The following CSE1L variants were observed in gnomAD, a reference collection of about 807,000 sequenced individuals.
CSE1L encodes the protein chromosome segregation 1 like, also known as exportin-2.
A neutral mutation model predicts 120.4 loss-of-function variants in CSE1L; 24 were observed. The observed-to-expected ratio is 0.20, with a 90% confidence interval of 0.14 to 0.28. The LOEUF (loss-of-function observed/expected upper bound fraction) is 0.28, where lower values mean the gene tolerates loss of function less well. CSE1L is among the 10% of genes least tolerant of loss of function. CSE1L has a pLI of 1.00. For missense variants in CSE1L, 830 were observed against 1,145.2 expected (o/e 0.72, Z 3.97); for synonymous variants, 402 against 398.3 (o/e 1.01, Z -0.11).
chr20:49,071,324 T>A (rs2091929882), intron 8 of CSE1L, among the ~76,000 whole-genome samples: 1 of 152,196 alleles, frequency 6.6e-6, no homozygotes. Flanking sequence ...AAAACACTCC[T>A]TCAGAAAACA....
chr20:49,075,217 C>T (rs890229918), intron 11 of CSE1L, 101 bp from the exon 12 acceptor site: 10 of 959,314 alleles, frequency 1.0e-5, no homozygotes, highest in African/African-American at 1.0e-4. Flanking sequence ...GTTTTACAAT[C>T]GTAGCCAAAT....
Position 49,058,459 on chromosome 20 carries a change from T to A in CSE1L, c.-5T>A, listed in dbSNP as rs1216094288. 1 of 1,608,304 alleles carries A rather than the reference T, an allele frequency of 6.2e-7. No homozygotes were observed. Among genetic ancestry groups the A allele is most frequent in the South Asian group, 1.1e-5 (1 of 90,676 alleles). On this transcript the variant is annotated 5_prime_UTR_variant, in exon 2 of 25. Transcript: ENST00000262982. The stretch of plus-strand genomic sequence containing the variant: ...ACCTTATTTTATATTTTAGATCCTA[T>A]AGCAATGGAACTCAGCGATGCAAAT...
In CSE1L at chr20:49,072,706, G is replaced by A. The variant is rs1287828719; in HGVS notation, c.1066+9G>A. On this transcript the variant is annotated intron_variant, in intron 10 of 24. Transcript: ENST00000262982. Reference sequence around the variant, plus strand: ...TAACATGGAATTTAGAGGTAATTATGGCAAAAGTATATTAGTATAAATCTA... The same window carrying A: ...TAACATGGAATTTAGAGGTAATTATAGCAAAAGTATATTAGTATAAATCTA... The A allele has an allele frequency of 6.2e-6, 10 of 1,601,426 alleles. No individual in the cohort carries two copies. The highest frequency in any genetic ancestry group is 7.7e-6 in the Non-Finnish European group (9 of 1,175,978).
intron 16 of CSE1L, 24 bp from the exon 17 acceptor site, chr20:49,087,985 T>G: frequency 6.7e-7 from 1 of 1,484,490 alleles, no homozygotes; most frequent in South Asian, 1.2e-5. Context: ...CTCTATTTGT[T>G]TTTGCTGTTT....
intron 15 of CSE1L, among the ~76,000 whole-genome samples, chr20:49,084,527 A>G (rs1421988815): frequency 6.6e-6 from 1 of 152,238 alleles, no homozygotes; most frequent in Non-Finnish European, 1.5e-5. Flanking sequence ...ATGAGATAAA[A>G]GTTAAAGCAG....
At chr20:49,049,314 G>T (rs2091746941) in intron 1 of CSE1L, among the ~76,000 whole-genome samples, 1 of 151,862 alleles carries the variant, frequency 6.6e-6, no homozygotes, top group Middle Eastern at 3.4e-3. Flanking sequence ...CTCCCGAGTA[G>T]CTAGGACTAC....
Position 49,089,268 on chromosome 20 carries a change from A to G in CSE1L, c.1843A>G (p.Asn615Asp). 1 of 1,588,370 alleles carries G rather than the reference A, an allele frequency of 6.3e-7. No individual in the cohort carries two copies. The highest frequency in any genetic ancestry group is 8.5e-7 in the Non-Finnish European group (1 of 1,173,268). The change falls in exon 18 of 25, where the codon AAT becomes GAT. Residue 615 changes from asparagine (N) to aspartate (D), a missense_variant. Physicochemically the swap from Asn to Asp is conservative, Grantham distance 23. Around this residue, in one of 4 missense-constraint regions of CSE1L, gnomAD observed 168 missense variants for 267.9 expected, o/e 0.63. Transcript: ENST00000262982. ...VSKNPSKPHF[N>D]HYMFEAICLS... ...TCAGAACCCAAGCAAACCTCACTTT[A>G]ATCACTACATGTTTGAAGCAATATG...
chr20:49,068,565 C>T (rs371551547), intron 6 of CSE1L, 150 bp from the exon 7 acceptor site: 12 of 543,906 alleles, frequency 2.2e-5, no homozygotes, highest in Middle Eastern at 3.1e-4. Context: ...TGCCACTGCG[C>T]TCCAGCCTGG....
intron 16 of CSE1L, 28 bp from the exon 17 acceptor site, chr20:49,087,977 CTATT>C (rs768279931): frequency 7.1e-7 from 1 of 1,407,944 alleles, no homozygotes; most frequent in Admixed American, 2.0e-5. Context: ...TAACTAAACT[CTATT>C]TGTTTTTGCT....
At chr20:49,078,358 T>C (rs2091984994) in intron 13 of CSE1L, among the ~76,000 whole-genome samples, 1 of 152,238 alleles carries the variant, frequency 6.6e-6, no homozygotes, top group South Asian at 2.1e-4. Flanking sequence ...TATGTGTTCC[T>C]TAGTCATGAA....
chr20:49,077,151 TTC>T, intron 13 of CSE1L, 87 bp downstream of exon 13: 6 of 674,094 alleles, frequency 8.9e-6, no homozygotes, highest in East Asian at 3.0e-5. Context: ...TTCCCTTTTG[TTC>T]TTTTTTTTTT....
chr20:49,070,247 A>C lies in CSE1L; in HGVS notation c.718A>C (p.Asn240His). ...FFEDNMETWM[N>H]NFHTLLTLDN... The stretch of plus-strand genomic sequence containing the variant: ...TGAAGATAATATGGAAACTTGGATG[A>C]ATAATTTTCATACTCTCTTAACATT... The change falls in exon 8 of 25, where the codon AAT becomes CAT. Residue 240 changes from asparagine (N) to histidine (H), a missense_variant. Around this residue, in one of 4 missense-constraint regions of CSE1L, gnomAD observed 543 missense variants for 640.2 expected, o/e 0.85. Transcript: ENST00000262982. 2 of 1,474,484 alleles carry C rather than the reference A, an allele frequency of 1.4e-6. No homozygotes were observed. The highest frequency in any genetic ancestry group is 3.8e-5 in the Admixed American group (2 of 52,734). 91.3% of individuals were successfully genotyped at this position (1,474,484 alleles called of 1,614,324 possible). A position where few individuals can be genotyped will look rare whatever the true frequency, so the allele number is the denominator to read the frequency against.
rs540290563 is a variant in CSE1L at position 49,088,750 on chromosome 20, G to T, written c.1822-497G>T. Among the ~76,000 whole-genome samples, 5 of 152,210 alleles carry T rather than the reference G, an allele frequency of 3.3e-5. No individual in the cohort carries two copies. The East Asian group carries it at 9.6e-4, about 29-fold the overall frequency. ...TACTTAGGGCCTTGAGGGATGGAGC[G>T]GGGAGGGAACCCAAGTCTCCGCCTC... is the stretch of plus-strand genomic sequence containing the variant. On this transcript the variant is annotated intron_variant, in intron 17 of 24. Coordinates refer to ENST00000262982, the MANE Select transcript of CSE1L (RefSeq NM_001316.4).
intron 10 of CSE1L, 64 bp downstream of exon 10, chr20:49,072,761 T>G (rs753194256): frequency 7.1e-7 from 1 of 1,402,454 alleles, no homozygotes; most frequent in South Asian, 1.5e-5. Flanking sequence ...TTGTAACATA[T>G]TCAGTCTAAT....
chr20:49,065,313 ATTTTTT>A (rs376073464), intron 3 of CSE1L, among the ~76,000 whole-genome samples: 5 of 52,118 alleles, frequency 9.6e-5, no homozygotes, highest in Non-Finnish European at 1.8e-4. Flanking sequence ...TGAAAAAAAA[ATTTTTT>A]TTTTTTTTTT....
chr20:49,048,008 C>T (rs1427623899), intron 1 of CSE1L, among the ~76,000 whole-genome samples: 2 of 152,172 alleles, frequency 1.3e-5, no homozygotes, highest in Non-Finnish European at 2.9e-5. Flanking sequence ...GTGCTTGCCA[C>T]ATGGTAGATG....
chr20:49,054,424 A>G (rs2091790985), intron 1 of CSE1L, among the ~76,000 whole-genome samples: 1 of 152,110 alleles, frequency 6.6e-6, no homozygotes, highest in Non-Finnish European at 1.5e-5. Flanking sequence ...TTGTGTTGTG[A>G]GTGCTTTCAC....
intron 16 of CSE1L, among the ~76,000 whole-genome samples, chr20:49,087,354 T>TC (rs1555825689): frequency 2.1e-4 from 30 of 144,490 alleles, no homozygotes; most frequent in East Asian, 5.9e-4. Context: ...TCTTTTTCTT[T>TC]TTTTTTTTTT....
Position 49,085,402 on chromosome 20 carries a change from GGT to G in CSE1L, c.1723+20_1723+21del, listed in dbSNP as rs779397538. The G allele has an allele frequency of 6.3e-7, 1 of 1,586,600 alleles. No homozygotes were observed. The highest frequency in any genetic ancestry group is 8.7e-7 in the Non-Finnish European group (1 of 1,155,560). On this transcript the variant is annotated intron_variant, in intron 16 of 24. Transcript: ENST00000262982. ...ATTATGAAAGGTAGGCTGTTTCCCT[GGT>G]GTGCAGACTACAGGTATCCAATCTC...
Sources: gnomAD v4.1 joint callset for allele counts (sites outside exome capture counted in the v4.1 genomes callset) on GRCh38, gnomAD v4.1.1 for gene constraint, gnomAD v4.1.1 regional missense constraint, MANE v1.5 for transcripts, NCBI Gene and HGNC (gene_info 2026-07-23, HGNC 2026-07-21) for gene names.